Variants in DOK6 observed in about 807,000 individuals in gnomAD.
DOK6 encodes downstream of tyrosine kinase 6.
Under a neutral mutation model 44.0 loss-of-function variants are expected in DOK6, and 22 were observed. The observed-to-expected ratio is 0.50, with a 90% CI of 0.36 to 0.71. DOK6 has a LOEUF of 0.71. DOK6 is among the 30% of genes least tolerant of loss of function. The pLI is 0.00. For synonymous variants in DOK6, 166 were observed against 145.5 expected (o/e 1.14, Z -1.01); for missense variants, 340 against 416.4 (o/e 0.82, Z 1.60).
At chr18:69,764,181 C>T (rs1257688773) in intron 7 of DOK6, among the ~76,000 whole-genome samples, 1 of 151,930 alleles carries the variant, frequency 6.6e-6, no homozygotes, top group Admixed American at 6.6e-5. Flanking sequence ...CAAAATCCGT[C>T]TCTCTACACC....
At chr18:69,828,924 G>T (rs548115984) in intron 7 of DOK6, among the ~76,000 whole-genome samples, 9 of 70,376 alleles carry the variant, frequency 1.3e-4, no homozygotes, top group Non-Finnish European at 3.1e-4. Flanking sequence ...AGAAAGGAGA[G>T]AGTGAAGGGA....
chr18:69,468,490 A>AC (rs1979992370), intron 1 of DOK6, among the ~76,000 whole-genome samples: 2 of 152,170 alleles, frequency 1.3e-5, no homozygotes, highest in Admixed American at 6.5e-5. Context: ...CCTACTATAC[A>AC]CCAGGTCCTC....
chr18:69,429,166 A>T (rs991578388), intron 1 of DOK6, among the ~76,000 whole-genome samples: 1 of 152,132 alleles, frequency 6.6e-6, no homozygotes, highest in Non-Finnish European at 1.5e-5. Context: ...GGCTTCAAAA[A>T]TTTTGTTGTA....
At chr18:69,574,957 A>G (rs1261656172) in intron 2 of DOK6, among the ~76,000 whole-genome samples, 1 of 152,036 alleles carries the variant, frequency 6.6e-6, no homozygotes, top group Non-Finnish European at 1.5e-5. Flanking sequence ...GAGGAGATAG[A>G]TTTAGGTGAC....
At chr18:69,461,178 C>T (rs966500976) in intron 1 of DOK6, among the ~76,000 whole-genome samples, 2 of 152,274 alleles carry the variant, frequency 1.3e-5, no homozygotes, top group South Asian at 2.1e-4. Context: ...GAAACACACA[C>T]ACACATTGTC....
At chr18:69,524,624 C>T (rs539478019) in intron 1 of DOK6, among the ~76,000 whole-genome samples, 32 of 151,900 alleles carry the variant, frequency 2.1e-4, no homozygotes, top group African/African-American at 5.5e-4. Context: ...CAGACCATTC[C>T]GAACATTAGT....
chr18:69,679,897 A>G (rs11151527), intron 4 of DOK6, among the ~76,000 whole-genome samples: 87,165 of 151,942 alleles, frequency 0.57, 25,589 homozygotes, highest in East Asian at 0.77. Flanking sequence ...AACAGAATAA[A>G]GTGCCAAAGC....
chr18:69,773,981 A>T (rs959185027), intron 7 of DOK6, among the ~76,000 whole-genome samples: 1 of 150,688 alleles, frequency 6.6e-6, no homozygotes, highest in Non-Finnish European at 1.5e-5. Context: ...TTATAGCAGC[A>T]CAATTTATAA....
chr18:69,407,297 T>G (rs562400882), intron 1 of DOK6, among the ~76,000 whole-genome samples: 1 of 152,216 alleles, frequency 6.6e-6, no homozygotes, highest in African/African-American at 2.4e-5. Flanking sequence ...AAATTGAAAT[T>G]ATCTGTAGTC....
At chr18:69,634,364 G>A (rs902204584) in intron 3 of DOK6, among the ~76,000 whole-genome samples, 1 of 152,150 alleles carries the variant, frequency 6.6e-6, no homozygotes, top group South Asian at 2.1e-4. Flanking sequence ...CTACTCCCCA[G>A]CAAAGACATT....
chr18:69,644,385 A>G (rs1347584566), intron 3 of DOK6, among the ~76,000 whole-genome samples: 1 of 152,112 alleles, frequency 6.6e-6, no homozygotes, highest in Non-Finnish European at 1.5e-5. Context: ...TACATTTTAC[A>G]GTTTTTCATT....
intron 3 of DOK6, among the ~76,000 whole-genome samples, chr18:69,653,062 A>G (rs1245787206): frequency 6.6e-6 from 1 of 152,180 alleles, no homozygotes; most frequent in African/African-American, 2.4e-5. Flanking sequence ...ATGGGTAAAT[A>G]GTGGATATTT....
At chr18:69,826,785 A>C (rs750527948) in intron 7 of DOK6, among the ~76,000 whole-genome samples, 44 of 152,232 alleles carry the variant, frequency 2.9e-4, no homozygotes, top group Non-Finnish European at 4.6e-4. Context: ...CCTTAGAATC[A>C]TGAACTTAAC....
intron 3 of DOK6, among the ~76,000 whole-genome samples, chr18:69,624,255 C>A (rs1264584819): frequency 6.6e-6 from 1 of 152,100 alleles, no homozygotes; most frequent in Non-Finnish European, 1.5e-5. Flanking sequence ...TATCAATCAA[C>A]CTTATCATCT....
chr18:69,614,815 A>ATG (rs745623274), intron 3 of DOK6, among the ~76,000 whole-genome samples: 288 of 148,444 alleles, frequency 1.9e-3, no homozygotes, highest in Middle Eastern at 3.8e-3. Context: ...ACACACACAT[A>ATG]TGTGTGTGTG....
intron 1 of DOK6, among the ~76,000 whole-genome samples, chr18:69,515,123 G>A (rs1266812146): frequency 3.9e-5 from 6 of 152,140 alleles, no homozygotes; most frequent in African/African-American, 1.4e-4. Flanking sequence ...AAACACATGA[G>A]ATGAGACAAA....
intron 4 of DOK6, among the ~76,000 whole-genome samples, chr18:69,695,098 C>A (rs1245610677): frequency 6.6e-6 from 1 of 152,232 alleles, no homozygotes; most frequent in Admixed American, 6.5e-5. Flanking sequence ...TTTCCAAAGT[C>A]ATTCCTCATG....
Position 69,476,753 on chromosome 18 carries a change from C to T in DOK6, c.66+75443C>T, listed in dbSNP as rs950573382. 7.9e-5 allele frequency among the ~76,000 whole-genome samples: 12 copies of T among 152,098 alleles called. No homozygotes were observed. The South Asian group carries it at 8.3e-4, about 10-fold the overall frequency. On this transcript the variant is annotated intron_variant, in intron 1 of 7. Coordinates refer to ENST00000382713, the MANE Select transcript of DOK6 (RefSeq NM_152721.6). Reference sequence around the variant, plus strand: ...GGCCGACTGCGGCCTGCAGAGAGGGCGTGAGAGAATAAGCAGCACTCCTCC... The same window carrying T: ...GGCCGACTGCGGCCTGCAGAGAGGGTGTGAGAGAATAAGCAGCACTCCTCC...
intron 1 of DOK6, among the ~76,000 whole-genome samples, chr18:69,496,643 A>G (rs12051946): frequency 0.32 from 48,752 of 152,100 alleles, 8,945 homozygotes; most frequent in Non-Finnish European, 0.42. Context: ...CCCATTTCAT[A>G]TGACATTATT....
Sources: gnomAD v4.1 joint callset for allele counts (sites outside exome capture counted in the v4.1 genomes callset) on GRCh38, gnomAD v4.1.1 for gene constraint, MANE v1.5 for transcripts, NCBI Gene and HGNC (gene_info 2026-07-23, HGNC 2026-07-21) for gene names.